The following NIBAN1 variants were observed in gnomAD, a reference collection of about 807,000 sequenced individuals.
The protein encoded by NIBAN1 is niban apoptosis regulator 1, also known as protein Niban 1.
A neutral mutation model predicts 75.1 loss-of-function variants in NIBAN1; 81 were observed. The observed-to-expected ratio is 1.08, with a 90% CI of 0.90 to 1.30. The LOEUF (loss-of-function observed/expected upper bound fraction) is 1.30, where lower values mean the gene tolerates loss of function less well. NIBAN1 is among the 50% of genes most tolerant of loss of function. NIBAN1 has a pLI of 0.00. For missense variants in NIBAN1, 1,133 were observed against 1,128.1 expected (o/e 1.00, Z -0.06); for synonymous variants, 436 against 424.8 (o/e 1.03, Z -0.32).
At chr1:184,811,501 CT>C (rs746898293) in intron 9 of NIBAN1, among the ~76,000 whole-genome samples, 22 of 33,536 alleles carry the variant, frequency 6.6e-4, no homozygotes, top group East Asian at 5.5e-3. Context: ...TACTTTCTTC[CT>C]TTTTTTTTTT....
chr1:184,900,275 G>A (rs886417509), intron 1 of NIBAN1, among the ~76,000 whole-genome samples: 1 of 152,172 alleles, frequency 6.6e-6, no homozygotes, highest in Non-Finnish European at 1.5e-5. Flanking sequence ...CCACGAGACA[G>A]AGGGGGAAAC....
At chr1:184,897,803 T>C (rs531632731) in intron 2 of NIBAN1, among the ~76,000 whole-genome samples, 1 of 152,284 alleles carries the variant, frequency 6.6e-6, no homozygotes, top group Admixed American at 6.5e-5. Context: ...TCTTCTTCTA[T>C]TATCTCACAC....
chr1:184,869,611 C>T (rs28615129), intron 5 of NIBAN1, among the ~76,000 whole-genome samples: 2,539 of 151,676 alleles, frequency 0.017, 61 homozygotes, highest in African/African-American at 0.058. Context: ...GGCTCCATCT[C>T]GGCTCACTGC....
intron 1 of NIBAN1, among the ~76,000 whole-genome samples, chr1:184,916,311 AG>A (rs1406002087): frequency 1.3e-5 from 2 of 152,266 alleles, no homozygotes; most frequent in Non-Finnish European, 2.9e-5. Flanking sequence ...AAGTTGTAAT[AG>A]GTAAATACAT....
chr1:184,965,676 C>T (rs2102087840), intron 1 of NIBAN1, among the ~76,000 whole-genome samples: 1 of 152,236 alleles, frequency 6.6e-6, no homozygotes, highest in Middle Eastern at 3.4e-3. Flanking sequence ...GAGGGAGGAT[C>T]AGGAAAAATA....
intron 1 of NIBAN1, among the ~76,000 whole-genome samples, chr1:184,909,368 TG>T (rs1657183008): frequency 6.6e-6 from 1 of 152,220 alleles, no homozygotes; most frequent in Admixed American, 6.5e-5. Flanking sequence ...TTGAAATGCT[TG>T]CTTTATATTT....
intron 1 of NIBAN1, among the ~76,000 whole-genome samples, chr1:184,944,564 T>C (rs902321275): frequency 6.6e-6 from 1 of 152,258 alleles, no homozygotes; most frequent in Non-Finnish European, 1.5e-5. Context: ...TTGGGTAGGG[T>C]TGGAGTACAT....
At chr1:184,920,575 C>A (rs947543218) in intron 1 of NIBAN1, among the ~76,000 whole-genome samples, 5 of 152,174 alleles carry the variant, frequency 3.3e-5, no homozygotes, top group Non-Finnish European at 7.3e-5. Context: ...TTAGTAACCA[C>A]TACTCTACTC....
intron 6 of NIBAN1, among the ~76,000 whole-genome samples, chr1:184,827,080 C>T (rs1032345624): frequency 5.3e-5 from 8 of 152,248 alleles, no homozygotes; most frequent in Admixed American, 2.0e-4. Flanking sequence ...CTCTTGTCTG[C>T]TGCCATGTAA....
intron 4 of NIBAN1, among the ~76,000 whole-genome samples, chr1:184,885,789 T>A (rs1656510089): frequency 6.6e-6 from 1 of 152,238 alleles, no homozygotes; most frequent in African/African-American, 2.4e-5. Context: ...GGCTGCTTCT[T>A]TTCATCTGAC....
intron 1 of NIBAN1, among the ~76,000 whole-genome samples, chr1:184,952,473 C>A (rs966564576): frequency 2.0e-5 from 3 of 152,166 alleles, no homozygotes; most frequent in Non-Finnish European, 2.9e-5. Flanking sequence ...CCAGGGGTGT[C>A]CAGTCTTTGG....
At chr1:184,880,037 TG>T (rs1656337073) in intron 5 of NIBAN1, among the ~76,000 whole-genome samples, 1 of 152,262 alleles carries the variant, frequency 6.6e-6, no homozygotes, top group African/African-American at 2.4e-5. Flanking sequence ...TTTGTGTTCA[TG>T]ACGATGTGAA....
At chr1:184,798,322 A>T (rs1338047449) in intron 12 of NIBAN1, 132 bp from the exon 13 acceptor site, 8 of 553,734 alleles carry the variant, frequency 1.4e-5, no homozygotes. Context: ...ATGTTGGCCC[A>T]GGGGCAAATT....
At chr1:184,957,641 G>T (rs1658524337) in intron 1 of NIBAN1, among the ~76,000 whole-genome samples, 1 of 152,304 alleles carries the variant, frequency 6.6e-6, no homozygotes, top group Admixed American at 6.5e-5. Context: ...GGAAATGTGA[G>T]AATTATATCA....
At chr1:184,860,760 T>C (rs1041219042) in intron 5 of NIBAN1, among the ~76,000 whole-genome samples, 1 of 152,208 alleles carries the variant, frequency 6.6e-6, no homozygotes. Context: ...AAATAGTCTT[T>C]CAAAATCAAA....
chr1:184,841,296 G>C (rs1020572383), intron 5 of NIBAN1, among the ~76,000 whole-genome samples: 5 of 152,156 alleles, frequency 3.3e-5, no homozygotes. Flanking sequence ...GTTTCATTTA[G>C]TTGCAAGCTC....
chr1:184,958,671 A>G (rs549816167), intron 1 of NIBAN1, among the ~76,000 whole-genome samples: 1 of 152,350 alleles, frequency 6.6e-6, no homozygotes, highest in South Asian at 2.1e-4. Context: ...AGCTTTTACT[A>G]CAGTGATTAT....
chr1:184,894,353 C>T lies in NIBAN1; in HGVS notation c.187-147G>A, dbSNP rs112351383. 2.9e-4 allele frequency: 224 copies of T among 784,958 alleles called. 1 individual carries two copies. In the African/African-American group the frequency reaches 3.5e-3, roughly 12 times the overall value. 48.6% of individuals were successfully genotyped at this position (784,958 alleles called of 1,614,324 possible). On this transcript the variant is annotated intron_variant, in intron 2 of 13. Coordinates refer to ENST00000367511, the MANE Select transcript of NIBAN1 (RefSeq NM_052966.4). ...AAACTGTTGCTTCCTCCTCTCCCCC[C>T]ACAATTTCCCTTTCCTACTCCACTT...
At chr1:184,959,779 C>T (rs1251497421) in intron 1 of NIBAN1, among the ~76,000 whole-genome samples, 1 of 152,176 alleles carries the variant, frequency 6.6e-6, no homozygotes, top group Admixed American at 6.6e-5. Flanking sequence ...GCTGAAGACT[C>T]TAACTCATAT....
Sources: gnomAD v4.1 joint callset for allele counts (sites outside exome capture counted in the v4.1 genomes callset) on GRCh38, gnomAD v4.1.1 for gene constraint, MANE v1.5 for transcripts, NCBI Gene and HGNC (gene_info 2026-07-23, HGNC 2026-07-21) for gene names.